The following ITGB6 variants were observed in gnomAD, a reference collection of about 807,000 sequenced individuals.
ITGB6 encodes integrin beta-6.
A neutral mutation model predicts 84.5 loss-of-function variants in ITGB6; 80 were observed. The ratio of observed to expected loss-of-function variants is 0.95; its 90% CI spans 0.79 to 1.14. The LOEUF (loss-of-function observed/expected upper bound fraction) is 1.14, where lower values mean the gene tolerates loss of function less well. Among genes scored for constraint, ITGB6 ranks in the 50% most tolerant of loss-of-function variants. The probability of loss-of-function intolerance (pLI) is 0.00; values close to 1 mark genes in which losing one functional copy is unlikely to be tolerated. For synonymous variants in ITGB6, 383 were observed against 354.9 expected (o/e 1.08, Z -0.89); for missense variants, 1,006 against 968.0 (o/e 1.04, Z -0.52).
At position 160,169,260 on chromosome 2, in the gene ITGB6, G is replaced by A. The variant is rs138313490; in HGVS notation, c.969C>T (p.Asn323=). The A allele has an allele frequency of 2.8e-5, 45 of 1,603,436 alleles. No homozygotes were observed. The highest frequency in any genetic ancestry group is 2.1e-4 in the African/African-American group (16 of 74,846). The change falls in exon 7 of 15, where the codon AAC becomes AAT. Residue 323 remains asparagine (N), a synonymous_variant. Transcript: ENST00000283249. ...GQLIDKLVQN[N]VLLIFAVTQE... ...GGGTTACAGCGAAGATCAATAACAC[G>A]TTGTTTTGTACCAGTTTATCAATGA...
intron 7 of ITGB6, among the ~76,000 whole-genome samples, chr2:160,156,845 G>T (rs930590462): frequency 6.6e-6 from 1 of 152,142 alleles, no homozygotes; most frequent in African/African-American, 2.4e-5. Context: ...CATCACTTCT[G>T]TTAGGTGCCT....
intron 8 of ITGB6, among the ~76,000 whole-genome samples, chr2:160,140,213 T>C (rs1297230792): frequency 6.6e-6 from 1 of 152,216 alleles, no homozygotes; most frequent in Admixed American, 6.5e-5. Flanking sequence ...GCCCTGTGAA[T>C]CATAAAGCTC....
chr2:160,182,777 G>C (rs1685736531), intron 4 of ITGB6, among the ~76,000 whole-genome samples: 2 of 152,214 alleles, frequency 1.3e-5, no homozygotes, highest in Admixed American at 1.3e-4. Flanking sequence ...AAGCCCATCA[G>C]ACTAACAGCA....
intron 4 of ITGB6, among the ~76,000 whole-genome samples, chr2:160,180,001 T>G (rs1574128699): frequency 6.9e-6 from 1 of 145,186 alleles, no homozygotes; most frequent in South Asian, 2.2e-4. Context: ...TAATCCCAGC[T>G]ACTTGGGAGG....
At chr2:160,189,009 A>G (rs1686028330) in intron 4 of ITGB6, among the ~76,000 whole-genome samples, 1 of 152,176 alleles carries the variant, frequency 6.6e-6, no homozygotes, top group Admixed American at 6.5e-5. Flanking sequence ...ACAGAGATAT[A>G]GACCAATGGA....
At chr2:160,194,061 A>G (rs1686241142) in intron 4 of ITGB6, among the ~76,000 whole-genome samples, 1 of 152,234 alleles carries the variant, frequency 6.6e-6, no homozygotes, top group African/African-American at 2.4e-5. Context: ...GGAGGCTGAC[A>G]CAGGAGAATT....
In ITGB6 at chr2:160,195,533, G is replaced by A; in HGVS notation, c.429C>T (p.Ala143=). 2 of 1,614,120 alleles carry A rather than the reference G, an allele frequency of 1.2e-6. No homozygotes were observed. Among genetic ancestry groups the A allele is most frequent in the South Asian group, 1.1e-5 (1 of 91,086 alleles). ...VDLYYLMDLS[A]SMDDDLNTIK... is the part of the protein sequence containing the mutation. Reference sequence around the variant, plus strand: ...TTGTGTTGAGGTCGTCATCCATGGAGGCGGAGAGGTCCATGAGGTAATACA... The same window carrying A: ...TTGTGTTGAGGTCGTCATCCATGGAAGCGGAGAGGTCCATGAGGTAATACA... The change falls in exon 4 of 15, where the codon GCC becomes GCT. Residue 143 remains alanine (A), a synonymous_variant. Transcript: ENST00000283249.
chr2:160,142,642 T>G lies in ITGB6; in HGVS notation c.1018-571A>C, dbSNP rs145037013. ...CAGGATGCTAGCACCGTGCTGGGGT[T>G]GGTTGGAATTGCTCCCACCACATCA... On this transcript the variant is annotated intron_variant, in intron 7 of 14. Coordinates refer to ENST00000283249, the MANE Select transcript of ITGB6 (RefSeq NM_000888.5). Among the ~76,000 whole-genome samples, 34 of 152,304 alleles carry G rather than the reference T, an allele frequency of 2.2e-4. 1 individual carries two copies. The East Asian group carries it at 5.4e-3, about 24-fold the overall frequency.
At chr2:160,153,411 T>C (rs1233351892) in intron 7 of ITGB6, among the ~76,000 whole-genome samples, 1 of 152,162 alleles carries the variant, frequency 6.6e-6, no homozygotes, top group Non-Finnish European at 1.5e-5. Flanking sequence ...TTGGATCCCT[T>C]CCTTACACCT....
chr2:160,178,208 A>G (rs1046162085), intron 4 of ITGB6, among the ~76,000 whole-genome samples: 1 of 152,230 alleles, frequency 6.6e-6, no homozygotes, highest in Non-Finnish European at 1.5e-5. Flanking sequence ...ATTCAACACC[A>G]CTGGCCTCAG....
At chr2:160,165,459 G>T (rs1684967826) in intron 7 of ITGB6, among the ~76,000 whole-genome samples, 2 of 152,140 alleles carry the variant, frequency 1.3e-5, no homozygotes, top group African/African-American at 2.4e-5. Flanking sequence ...TAATAGAACA[G>T]GCTAACAAAT....
intron 4 of ITGB6, among the ~76,000 whole-genome samples, chr2:160,185,000 A>G (rs965909131): frequency 6.6e-6 from 1 of 152,230 alleles, no homozygotes; most frequent in East Asian, 1.9e-4. Context: ...AGAGCTGTTC[A>G]TGACAAACCC....
chr2:160,173,739 T>A (rs765943717), intron 5 of ITGB6, among the ~76,000 whole-genome samples: 3 of 152,002 alleles, frequency 2.0e-5, no homozygotes, highest in Non-Finnish European at 4.4e-5. Flanking sequence ...TTCAACTAAA[T>A]TTTCCCAACA....
intron 4 of ITGB6, among the ~76,000 whole-genome samples, chr2:160,184,703 T>C (rs936065520): frequency 1.2e-4 from 18 of 152,194 alleles, no homozygotes; most frequent in Admixed American, 7.9e-4. Flanking sequence ...CCAATATCCC[T>C]GATGAACATT....
chr2:160,162,110 G>A (rs1237675971), intron 7 of ITGB6, among the ~76,000 whole-genome samples: 1 of 152,126 alleles, frequency 6.6e-6, no homozygotes, highest in Non-Finnish European at 1.5e-5. Flanking sequence ...TTAATACCTG[G>A]CAGATGAACC....
chr2:160,140,478 A>G (rs1336602270), intron 8 of ITGB6, among the ~76,000 whole-genome samples: 1 of 152,184 alleles, frequency 6.6e-6, no homozygotes, highest in East Asian at 1.9e-4. Flanking sequence ...TAATCTGCTT[A>G]GTTTCTCCGA....
chr2:160,181,558 C>G (rs1439487390), intron 4 of ITGB6, among the ~76,000 whole-genome samples: 1 of 152,210 alleles, frequency 6.6e-6, no homozygotes, highest in East Asian at 1.9e-4. Context: ...ACTGTGGGCA[C>G]AGCTTCAGCA....
chr2:160,149,189 C>A (rs563476157), intron 7 of ITGB6, among the ~76,000 whole-genome samples: 1 of 152,342 alleles, frequency 6.6e-6, no homozygotes, highest in East Asian at 1.9e-4. Context: ...GGAGACACCT[C>A]CCAGTAGGGG....
In ITGB6 at chr2:160,174,086, A is replaced by G. The variant is rs749561988; in HGVS notation, c.647T>C (p.Leu216Ser). Residue 216 changes from leucine to serine, a missense_variant, in exon 5 of 15, where the codon TTG becomes TCG. By Grantham distance (145) the Leu-to-Ser change is moderately radical. Coordinates refer to ENST00000283249, the MANE Select transcript of ITGB6 (RefSeq NM_000888.5). ...ATTGAATCTTTCAGCATCATTTGTC[A>G]ATGGCAAAATGTGCTTGAATCCAAA... ...PTFGFKHILP[L>S]TNDAERFNEI... The G allele has an allele frequency of 1.6e-5, 25 of 1,612,284 alleles. No individual in the cohort carries two copies. Among genetic ancestry groups the G allele is most frequent in the Non-Finnish European group, 2.1e-5 (25 of 1,179,514 alleles).
Sources: gnomAD v4.1 joint callset for allele counts (sites outside exome capture counted in the v4.1 genomes callset) on GRCh38, gnomAD v4.1.1 for gene constraint, MANE v1.5 for transcripts, NCBI Gene and HGNC (gene_info 2026-07-23, HGNC 2026-07-21) for gene names.